The following GAPVD1 variants were observed in gnomAD, a reference collection of about 807,000 sequenced individuals.
GAPVD1 encodes the protein GTPase activating protein and VPS9 domains 1.
In GAPVD1, 35 loss-of-function variants were observed where a neutral mutation model predicts 155.5. The observed-to-expected ratio is 0.23, with a 90% CI of 0.17 to 0.30. The LOEUF is 0.30. Ranked by LOEUF, GAPVD1 falls within the 10% of genes least tolerant of loss-of-function variation. The pLI, the probability that GAPVD1 is intolerant of heterozygous loss-of-function variation, is 1.00. For missense variants in GAPVD1, 1,429 were observed against 1,775.7 expected (o/e 0.80, Z 3.51); for synonymous variants, 636 against 619.7 (o/e 1.03, Z -0.39).
chr9:125,338,374 T>C lies in GAPVD1; in HGVS notation c.2877+783T>C, dbSNP rs575098227. Among the ~76,000 whole-genome samples the C allele has an allele frequency of 1.6e-4, 25 of 152,304 alleles. 1 individual carries two copies. The South Asian group carries it at 4.1e-3, about 25-fold the overall frequency. ...AGCCATCAGCTTCAGCAGATGAACA[T>C]TGATACATTACTACCAGTTACTTAT... On this transcript the variant is annotated intron_variant, in intron 17 of 27. Coordinates refer to ENST00000297933, the MANE Select transcript of GAPVD1 (RefSeq NM_001282680.3).
chr9:125,295,781 T>C (rs1839755921), intron 3 of GAPVD1, among the ~76,000 whole-genome samples: 1 of 152,150 alleles, frequency 6.6e-6, no homozygotes, highest in South Asian at 2.1e-4. Context: ...CTTTAATTTC[T>C]AAATTGCATG....
intron 19 of GAPVD1, among the ~76,000 whole-genome samples, chr9:125,344,667 G>A (rs948685669): frequency 6.6e-6 from 1 of 152,094 alleles, no homozygotes; most frequent in African/African-American, 2.4e-5. Context: ...CCAACTGAGT[G>A]AGGTGGAGCA....
intron 3 of GAPVD1, among the ~76,000 whole-genome samples, chr9:125,296,113 A>C (rs532537369): frequency 2.6e-5 from 4 of 152,264 alleles, no homozygotes; most frequent in Admixed American, 6.5e-5. Flanking sequence ...TATTTAAAAA[A>C]ATTCTCTTAA....
chr9:125,281,860 G>A (rs1836844426), intron 2 of GAPVD1, among the ~76,000 whole-genome samples: 1 of 151,606 alleles, frequency 6.6e-6, no homozygotes, highest in African/African-American at 2.4e-5. Flanking sequence ...TGTCACCCAG[G>A]CTGGAATACA....
chr9:125,330,896 T>A (rs1845973714), intron 13 of GAPVD1, among the ~76,000 whole-genome samples: 1 of 152,168 alleles, frequency 6.6e-6, no homozygotes, highest in South Asian at 2.1e-4. Flanking sequence ...TAAACACATT[T>A]AGATTTATCA....
At chr9:125,306,107 A>T (rs1410093621) in intron 6 of GAPVD1, among the ~76,000 whole-genome samples, 1 of 152,036 alleles carries the variant, frequency 6.6e-6, no homozygotes, top group Non-Finnish European at 1.5e-5. Context: ...TTTCCCTTCC[A>T]CGTCTCATCT....
intron 2 of GAPVD1, among the ~76,000 whole-genome samples, chr9:125,282,447 C>G (rs1251798072): frequency 6.6e-6 from 1 of 152,120 alleles, no homozygotes; most frequent in Non-Finnish European, 1.5e-5. Context: ...TGATAGTCGG[C>G]TTTTACTTTT....
At chr9:125,355,933 A>G in intron 25 of GAPVD1, 76 bp downstream of exon 25, 1 of 813,896 alleles carries the variant, frequency 1.2e-6, no homozygotes, top group South Asian at 1.4e-5. Context: ...TAGGCAAGCT[A>G]TACGTGTAAC....
At position 125,350,336 on chromosome 9, in the gene GAPVD1, A is replaced by G. The variant is rs1430426029; in HGVS notation, c.3341A>G (p.Asp1114Gly). Residue 1114 changes from aspartate (D) to glycine (G), a missense_variant, in exon 22 of 28, where the codon GAC (aspartate) becomes GGC (glycine). Physicochemically the swap from Asp to Gly is moderately conservative, Grantham distance 94. This residue lies in a region of GAPVD1 where 699 missense variants were observed against 826.0 expected (regional missense o/e 0.85). Coordinates refer to ENST00000297933, the MANE Select transcript of GAPVD1 (RefSeq NM_001282680.3). ...KKLRLALCSA[D>G]SVAFPVLTHS... ...CTGAGGCTTGCTCTTTGCTCTGCGG[A>G]CTCTGTTGCCTTCCCAGTGCTGACC... The G allele has an allele frequency of 1.9e-6, 3 of 1,593,306 alleles. No homozygotes were observed. Among genetic ancestry groups the G allele is most frequent in the East Asian group, 2.2e-5 (1 of 44,540 alleles).
chr9:125,310,041 A>G (rs1181603005), intron 8 of GAPVD1: 1 of 374,744 alleles, frequency 2.7e-6, no homozygotes, highest in Non-Finnish European at 5.6e-6. Flanking sequence ...CTCTTCTTTT[A>G]TAATTTTATT....
intron 13 of GAPVD1, among the ~76,000 whole-genome samples, chr9:125,331,529 T>C (rs1846079256): frequency 6.6e-6 from 1 of 152,194 alleles, no homozygotes. Context: ...CATTCAGATA[T>C]GCTAGCCTTG....
At chr9:125,280,577 T>A (rs1836630241) in intron 2 of GAPVD1, among the ~76,000 whole-genome samples, 1 of 138,518 alleles carries the variant, frequency 7.2e-6, no homozygotes, top group South Asian at 2.2e-4. Context: ...TACTACTACT[T>A]TTTTTTTTTT....
At chr9:125,263,169 G>A (rs1240026307) in intron 1 of GAPVD1, among the ~76,000 whole-genome samples, 1 of 152,208 alleles carries the variant, frequency 6.6e-6, no homozygotes, top group Non-Finnish European at 1.5e-5. Context: ...TGCCAATGAG[G>A]TCCGTGCACA....
At chr9:125,333,431 A>G (rs1181426182) in intron 15 of GAPVD1, among the ~76,000 whole-genome samples, 1 of 151,686 alleles carries the variant, frequency 6.6e-6, no homozygotes, top group Non-Finnish European at 1.5e-5. Context: ...GGAAATACCA[A>G]AATGCTAGCA....
intron 10 of GAPVD1, among the ~76,000 whole-genome samples, chr9:125,322,071 A>AC (rs1031776646): frequency 2.0e-4 from 30 of 147,178 alleles, no homozygotes; most frequent in Non-Finnish European, 4.1e-4. Context: ...ACTAGTACCA[A>AC]TTTTTTTTTT....
At chr9:125,331,603 T>A (rs935646746) in intron 13 of GAPVD1, among the ~76,000 whole-genome samples, 1 of 152,194 alleles carries the variant, frequency 6.6e-6, no homozygotes, top group African/African-American at 2.4e-5. Context: ...TAGGAGTTAC[T>A]TTTTAGGAAG....
chr9:125,342,452 T>C (rs768031036), intron 19 of GAPVD1, among the ~76,000 whole-genome samples, 153 bp downstream of exon 19: 3 of 152,222 alleles, frequency 2.0e-5, no homozygotes, highest in Non-Finnish European at 4.4e-5. Flanking sequence ...GGTTTCCAGT[T>C]GGTGGCCACA....
At position 125,275,385 on chromosome 9, in the gene GAPVD1, T is replaced by A. The variant is rs558369096; in HGVS notation, c.-150+6401T>A. Among the ~76,000 whole-genome samples, 18 of 152,344 alleles carry A rather than the reference T, an allele frequency of 1.2e-4. 1 individual carries two copies. The South Asian group carries it at 3.7e-3, about 32-fold the overall frequency. On this transcript the variant is annotated intron_variant, in intron 2 of 27. Coordinates refer to ENST00000297933, the MANE Select transcript of GAPVD1 (RefSeq NM_001282680.3). ...GCCACCACACCCAACCTAAATTGTT[T>A]ATTTTTTTGATGGACATCTTTCTAC...
At chr9:125,351,708 G>A (rs1400506301) in intron 23 of GAPVD1, among the ~76,000 whole-genome samples, 1 of 151,822 alleles carries the variant, frequency 6.6e-6, no homozygotes, top group East Asian at 1.9e-4. Flanking sequence ...TCCAGGTCAC[G>A]CTGATGCAAG....
Sources: allele counts gnomAD v4.1 joint callset (sites outside exome capture counted in the v4.1 genomes callset), GRCh38; gene constraint gnomAD v4.1.1; regional missense constraint gnomAD v4.1.1; transcripts MANE v1.5; gene names NCBI Gene and HGNC (gene_info 2026-07-23, HGNC 2026-07-21).